LDLRAD2: variants seen among roughly 807,000 people sequenced by gnomAD.
The protein encoded by LDLRAD2 is low density lipoprotein receptor class A domain containing 2.
A neutral mutation model predicts 24.9 loss-of-function variants in LDLRAD2; 25 were observed. The observed-to-expected ratio is 1.00, with a 90% CI of 0.73 to 1.40. LDLRAD2 has a LOEUF of 1.40. LDLRAD2 is among the 40% of genes most tolerant of loss of function. LDLRAD2 has a pLI of 0.00. For missense variants in LDLRAD2, 391 were observed against 366.2 expected (o/e 1.07, Z -0.55); for synonymous variants, 182 against 166.7 (o/e 1.09, Z -0.71).
chr1:21,819,198 A>AC lies in LDLRAD2; in HGVS notation c.644-2248dup, dbSNP rs1160645543. Among the ~76,000 whole-genome samples, 7 of 151,858 alleles carry AC rather than the reference A, an allele frequency of 4.6e-5. No homozygotes were observed. In the East Asian group the frequency reaches 1.4e-3, roughly 30 times the overall value. On this transcript the variant is annotated intron_variant, in intron 3 of 4. Transcript: ENST00000344642. The stretch of plus-strand genomic sequence containing the variant: ...AGACCAACCTGACCAACATGGAGAA[A>AC]CCCCATCTGTACTAAAAATACAAAA...
In LDLRAD2 at chr1:21,814,631, T is replaced by G; in HGVS notation, c.319T>G (p.Cys107Gly). Residue 107 changes from cysteine to glycine, a missense_variant, in exon 2 of 5, where the codon TGC becomes GGC. By Grantham distance (159) the Cys-to-Gly change is radical. Coordinates refer to ENST00000344642, the MANE Select transcript of LDLRAD2 (RefSeq NM_001013693.3). ...CTCCTCCCCGGCCCCGGCCGACCCGTGCGCCCCCGGCTCCTACCTGCAGTT... is the reference window on the plus strand; with the variant it reads ...CTCCTCCCCGGCCCCGGCCGACCCGGGCGCCCCCGGCTCCTACCTGCAGTT... ...NTSSPAPADPCAPGSYLQFYE... is the reference protein window; with the variant it reads ...NTSSPAPADPGAPGSYLQFYE... 6.2e-7 allele frequency: 1 copy of G among 1,606,666 alleles called. No homozygotes were observed. Among genetic ancestry groups the G allele is most frequent in the Non-Finnish European group, 8.5e-7 (1 of 1,176,814 alleles).
chr1:21,814,423 G>C lies in LDLRAD2; in HGVS notation c.111G>C (p.Gln37His). 1 of 1,607,544 alleles carries C rather than the reference G, an allele frequency of 6.2e-7. No individual in the cohort carries two copies. The highest frequency in any genetic ancestry group is 8.5e-7 in the Non-Finnish European group (1 of 1,177,046). The change falls in exon 2 of 5, where the codon CAG becomes CAC. Residue 37 changes from glutamine (Q) to histidine (H), a missense_variant. Gln to His is a conservative substitution (Grantham distance 24). Coordinates refer to ENST00000344642, the MANE Select transcript of LDLRAD2 (RefSeq NM_001013693.3). ...ETADLAELCG[Q>H]TWQGDGLLLR... The stretch of plus-strand genomic sequence containing the variant: ...CCGACCTGGCGGAACTGTGCGGGCA[G>C]ACGTGGCAGGGGGACGGGCTGCTGC...
chr1:21,821,768 G>T, intron 4 of LDLRAD2, 157 bp downstream of exon 4: 1 of 1,448,126 alleles, frequency 6.9e-7, no homozygotes, highest in Non-Finnish European at 9.1e-7. Context: ...GATGCTCCTG[G>T]CCTCTGCTGG....
chr1:21,818,886 C>A (rs1467299971), intron 3 of LDLRAD2, among the ~76,000 whole-genome samples: 1 of 136,976 alleles, frequency 7.3e-6, no homozygotes, highest in Non-Finnish European at 1.6e-5. Context: ...CGCCCCACCC[C>A]TCCCTGGCCC....
rs761947438 is a variant in LDLRAD2, at chr1:21,823,423, T to C, written c.*1208T>C. 1 of 1,587,214 alleles carries C rather than the reference T, an allele frequency of 6.3e-7. No homozygotes were observed. Among genetic ancestry groups the C allele is most frequent in the Middle Eastern group, 1.7e-4 (1 of 6,044 alleles). On this transcript the variant is annotated 3_prime_UTR_variant, in exon 5 of 5. Coordinates refer to ENST00000344642, the MANE Select transcript of LDLRAD2 (RefSeq NM_001013693.3). ...CGGGCCGAGTGCAGCACCAGGTTCT[T>C]GACACAGCCTGTGATGCCTGAGGAG...
In LDLRAD2 at chr1:21,814,481, T is replaced by C. The variant is rs2097941691; in HGVS notation, c.169T>C (p.Phe57Leu). ...GCACGCCGCATCGCGCAGGTTCTAC[T>C]TCGTGGCTCCGGACACCGACTGCGG... ...RSHAASRRFY[F>L]VAPDTDCGLW... is the part of the protein sequence containing the mutation. The change falls in exon 2 of 5, where the codon TTC (phenylalanine) becomes CTC (leucine). Residue 57 changes from phenylalanine to leucine, a missense_variant. Transcript: ENST00000344642. 1.2e-6 allele frequency: 2 copies of C among 1,612,396 alleles called. No individual in the cohort carries two copies. Among genetic ancestry groups the C allele is most frequent in the South Asian group, 2.2e-5 (2 of 91,044 alleles).
rs1490500271 is a variant in LDLRAD2, at chr1:21,824,222, C to A, written c.*2007C>A. On this transcript the variant is annotated 3_prime_UTR_variant, in exon 5 of 5. Coordinates refer to ENST00000344642, the MANE Select transcript of LDLRAD2 (RefSeq NM_001013693.3). This position sits in a 1 kb window ranked among gnomAD's most constrained non-coding sequence, Gnocchi z 5.9. ...GCTGGTACCTGCAGTCATCCAGGCC[C>A]AAGAAGTATGAGCTGGGGCAGGACC... 8.7e-6 allele frequency: 14 copies of A among 1,613,670 alleles called. No individual in the cohort carries two copies. The highest frequency in any genetic ancestry group is 1.2e-5 in the Non-Finnish European group (14 of 1,179,924).
At chr1:21,816,707 G>A (rs945311206) in intron 3 of LDLRAD2, among the ~76,000 whole-genome samples, 4 of 152,060 alleles carry the variant, frequency 2.6e-5, no homozygotes, top group African/African-American at 9.7e-5. Context: ...ATGTACAGTT[G>A]AACAGGGGTG....
chr1:21,825,021 T>C lies in LDLRAD2; in HGVS notation c.*2806T>C. ...ATTGAGCAGTTCTTTCAATGAGATG[T>C]AGGCAAGAAACCAAAGTAGCAGTGG... is the stretch of plus-strand genomic sequence containing the variant. On this transcript the variant is annotated 3_prime_UTR_variant, in exon 5 of 5. Coordinates refer to ENST00000344642, the MANE Select transcript of LDLRAD2 (RefSeq NM_001013693.3). 3.6e-6 allele frequency: 2 copies of C among 556,986 alleles called. No individual in the cohort carries two copies. The highest frequency in any genetic ancestry group is 3.0e-5 in the Admixed American group (1 of 33,336). 34.5% of individuals were successfully genotyped at this position (556,986 alleles called of 1,614,324 possible).
At chr1:21,813,569 C>T (rs1455589307) in intron 1 of LDLRAD2, among the ~76,000 whole-genome samples, 2 of 152,214 alleles carry the variant, frequency 1.3e-5, no homozygotes, top group Non-Finnish European at 2.9e-5. Context: ...AGTACTTGCA[C>T]ATCTTCTCAT....
Position 21,823,734 on chromosome 1 carries a change from G to C in LDLRAD2, c.*1519G>C. On this transcript the variant is annotated 3_prime_UTR_variant, in exon 5 of 5. Coordinates refer to ENST00000344642, the MANE Select transcript of LDLRAD2 (RefSeq NM_001013693.3). ...TGCGGCCCTCCCTGCAGTGGAACTG[G>C]GTCAGGCCCCTTTCCACAAACTTCC... 2 of 1,606,752 alleles carry C rather than the reference G, an allele frequency of 1.2e-6. No individual in the cohort carries two copies. The highest frequency in any genetic ancestry group is 2.2e-5 in the South Asian group (2 of 90,980).
Position 21,823,511 on chromosome 1 carries a change from G to A in LDLRAD2, c.*1296G>A, listed in dbSNP as rs757002823. 1.9e-6 allele frequency: 3 copies of A among 1,607,552 alleles called. No homozygotes were observed. Among genetic ancestry groups the A allele is most frequent in the East Asian group, 2.2e-5 (1 of 44,790 alleles). ...CGCCTGCCGGGAGGTGAGAGGACAGGGCCTGTGGGCTCCAGCAGCCCAGGA... is the reference window on the plus strand; with the variant it reads ...CGCCTGCCGGGAGGTGAGAGGACAGAGCCTGTGGGCTCCAGCAGCCCAGGA... On this transcript the variant is annotated 3_prime_UTR_variant, in exon 5 of 5. Transcript: ENST00000344642.
chr1:21,816,830 G>T (rs1346962092), intron 3 of LDLRAD2, among the ~76,000 whole-genome samples: 1 of 152,096 alleles, frequency 6.6e-6, no homozygotes, highest in Non-Finnish European at 1.5e-5. Flanking sequence ...ATGAGACCCA[G>T]GTCCTATGTC....
rs760325249 is a variant in LDLRAD2, at chr1:21,814,409, G to T, written c.97G>T (p.Glu33Ter). 1.9e-6 allele frequency: 3 copies of T among 1,600,102 alleles called. No homozygotes were observed. The highest frequency in any genetic ancestry group is 2.3e-5 in the East Asian group (1 of 44,242). ...GCCTTCCGCTGCAGCCGACCTGGCG[G>T]AACTGTGCGGGCAGACGTGGCAGGG... ...ATALETADLA[E>*]LCGQTWQGDG... is the part of the protein sequence containing the mutation. Residue 33 changes from glutamate to a stop codon, truncating the protein, a stop_gained, in exon 2 of 5, where the codon GAA (glutamate) becomes TAA (stop). Coordinates refer to ENST00000344642, the MANE Select transcript of LDLRAD2 (RefSeq NM_001013693.3). LOFTEE classifies it high-confidence loss of function.
chr1:21,821,149 A>AAG (rs2097951177), intron 3 of LDLRAD2, among the ~76,000 whole-genome samples: 1 of 152,178 alleles, frequency 6.6e-6, no homozygotes. Flanking sequence ...GTGAGTGGTG[A>AAG]TTGCGCCACT....
At chr1:21,821,235 G>C (rs1202873431) in intron 3 of LDLRAD2, among the ~76,000 whole-genome samples, 1 of 152,162 alleles carries the variant, frequency 6.6e-6, no homozygotes, top group East Asian at 1.9e-4. Flanking sequence ...TTGGGAAGTA[G>C]CTCCACTCAT....
Position 21,824,021 on chromosome 1 carries a change from C to T in LDLRAD2, c.*1806C>T. 8.4e-7 allele frequency: 1 copy of T among 1,186,704 alleles called. No homozygotes were observed. Among genetic ancestry groups the T allele is most frequent in the Non-Finnish European group, 1.2e-6 (1 of 816,364 alleles). The allele number at this position is 1,186,704 out of a possible 1,614,324, so 73.5% of individuals were successfully genotyped here. A position where few individuals can be genotyped will look rare whatever the true frequency, so the allele number is the denominator to read the frequency against. On this transcript the variant is annotated 3_prime_UTR_variant, in exon 5 of 5. Transcript: ENST00000344642. The surrounding 1 kb of genome is among the most constrained non-coding windows in gnomAD (Gnocchi z 5.9). ...CCTCCCCTGGCTTCAAGTTCTGTCT[C>T]CACAGAGCTCAATACCTGCCTCTCT...
intron 3 of LDLRAD2, among the ~76,000 whole-genome samples, chr1:21,818,818 C>A (rs971819277): frequency 6.6e-6 from 1 of 152,060 alleles, no homozygotes; most frequent in South Asian, 2.1e-4. Context: ...AGGCCCTGCA[C>A]GATCTGGCCC....
chr1:21,814,283 G>C (rs2097941444), intron 1 of LDLRAD2, 115 bp from the exon 2 acceptor site: 11 of 758,560 alleles, frequency 1.5e-5, no homozygotes, highest in Non-Finnish European at 2.3e-5. Flanking sequence ...TACCGATGAG[G>C]AAAATGAGGC....
Sources: gnomAD v4.1 joint callset for allele counts (sites outside exome capture counted in the v4.1 genomes callset) on GRCh38, gnomAD v4.1.1 for gene constraint, Gnocchi (gnomAD v3.1) non-coding constraint, MANE v1.5 for transcripts, NCBI Gene and HGNC (gene_info 2026-07-23, HGNC 2026-07-21) for gene names.